POLR3A: variants seen among roughly 807,000 people sequenced by gnomAD.
POLR3A encodes the protein RNA polymerase III subunit A, also known as DNA-directed RNA polymerase III subunit RPC1.
Under a neutral mutation model 152.8 loss-of-function variants are expected in POLR3A, and 112 were observed. The ratio of observed to expected loss-of-function variants is 0.73; its 90% CI spans 0.63 to 0.86. POLR3A has a LOEUF of 0.86. Among genes scored for constraint, POLR3A ranks in the 40% least tolerant of loss-of-function variants. The pLI is 0.00. For synonymous variants in POLR3A, 615 were observed against 652.1 expected, an observed-to-expected ratio of 0.94 and a Z score of 0.87; for missense variants, 1,385 against 1,743.1, an observed-to-expected ratio of 0.79 and a Z score of 3.66.
chr10:78,024,791 AACT>A, intron 4 of POLR3A, 88 bp from the exon 5 acceptor site: 1 of 1,369,952 alleles, frequency 7.3e-7, no homozygotes, highest in Non-Finnish European at 1.0e-6. Flanking sequence ...AAATTACTGA[AACT>A]ACTATAGCAA....
intron 14 of POLR3A, among the ~76,000 whole-genome samples, chr10:78,008,374 A>G (rs1051190283): frequency 6.6e-6 from 1 of 152,278 alleles, no homozygotes; most frequent in Non-Finnish European, 1.5e-5. Flanking sequence ...ATCAGAGAGC[A>G]TATTTCCAAA....
At chr10:77,982,046 A>AG in intron 28 of POLR3A, 108 bp downstream of exon 28, 22 of 627,922 alleles carry the variant, frequency 3.5e-5, no homozygotes, top group Admixed American at 9.4e-5. Flanking sequence ...CTCAAAAAAA[A>AG]AAAAAAAAAA....
intron 5 of POLR3A, 149 bp downstream of exon 5, chr10:78,024,400 G>C (rs2131960455): frequency 2.9e-6 from 2 of 698,828 alleles, no homozygotes; most frequent in South Asian, 3.3e-5. Context: ...GGAATTATCG[G>C]AGAGCTGTCG....
intron 15 of POLR3A, among the ~76,000 whole-genome samples, chr10:78,005,173 A>C (rs1847398970): frequency 6.6e-6 from 1 of 152,228 alleles, no homozygotes; most frequent in Admixed American, 6.5e-5. Flanking sequence ...TCCAACTATT[A>C]TCTAAAGCAG....
At position 78,023,317 on chromosome 10, in the gene POLR3A, G is replaced by A. The variant is rs149671837; in HGVS notation, c.646-933C>T. ...CTCTACAAAAGTACAAAAATTAGCC[G>A]GGCATGGTGGCGGGCACTTGTAGTC... On this transcript the variant is annotated intron_variant, in intron 5 of 30. Coordinates refer to ENST00000372371, the MANE Select transcript of POLR3A (RefSeq NM_007055.4). 3.9e-3 allele frequency among the ~76,000 whole-genome samples: 586 copies of A among 152,036 alleles called. 2 individuals are homozygous for A. The highest frequency in any genetic ancestry group is 0.011 in the African/African-American group (467 of 41,446).
chr10:77,998,597 T>C (rs549569397), intron 19 of POLR3A, among the ~76,000 whole-genome samples: 157 of 152,254 alleles, frequency 1.0e-3, no homozygotes, highest in African/African-American at 3.7e-3. Context: ...AAAACTACAA[T>C]GAGATACCGT....
Position 78,017,564 on chromosome 10 carries a change from G to T in POLR3A, c.1431+11C>A. The T allele has an allele frequency of 6.2e-7, 1 of 1,613,962 alleles. No homozygotes were observed. The highest frequency in any genetic ancestry group is 8.5e-7 in the Non-Finnish European group (1 of 1,179,836). On this transcript the variant is annotated intron_variant, in intron 10 of 30. Transcript: ENST00000372371. ...TACGTGATGGAAAATTTAAAAAGCA[G>T]TGCTACTCACCAGATGAGCCATAAT...
Position 78,017,695 on chromosome 10 carries a change from T to C in POLR3A, c.1311A>G (p.Arg437=), listed in dbSNP as rs188441842. The change falls in exon 10 of 31, where the codon CGA becomes CGG. Residue 437 remains arginine, a synonymous_variant. Coordinates refer to ENST00000372371, the MANE Select transcript of POLR3A (RefSeq NM_007055.4). ...ACTTGAGCTCTTGAGCCATCTTTTC[T>C]CGATTTCCGTATTTCAAAAACCTGA... ...QMKRFLKYGN[R]EKMAQELKYG... 260 of 1,614,192 alleles carry C rather than the reference T, an allele frequency of 1.6e-4. 2 individuals carry two copies. In the East Asian group the frequency reaches 3.8e-3, roughly 24 times the overall value.
intron 11 of POLR3A, among the ~76,000 whole-genome samples, chr10:78,012,847 G>A (rs1050393082): frequency 6.6e-6 from 1 of 152,058 alleles, no homozygotes; most frequent in African/African-American, 2.4e-5. Context: ...TCAGCTTCCT[G>A]AGTAGCTGGG....
chr10:77,986,180 C>T (rs768045599), intron 21 of POLR3A, 21 bp from the exon 22 acceptor site: 2 of 1,150,392 alleles, frequency 1.7e-6, no homozygotes, highest in Non-Finnish European at 2.6e-6. Flanking sequence ...ACACAGCAAA[C>T]ATCATTTGTA....
At position 77,980,178 on chromosome 10, in the gene POLR3A, A is replaced by T; in HGVS notation, c.3987T>A (p.Phe1329Leu). 1 of 1,614,108 alleles carries T rather than the reference A, an allele frequency of 6.2e-7. No individual in the cohort carries two copies. Among genetic ancestry groups the T allele is most frequent in the Non-Finnish European group, 8.5e-7 (1 of 1,179,964 alleles). ...ASFEKTADHL[F>L]DAAYFGQKDS... ...CCTTCTGCCCGAAGTAGGCAGCGTC[A>T]AAGAGATGGTCAGCCGTCTTCTCAA... Residue 1329 changes from phenylalanine to leucine, a missense_variant, in exon 30 of 31, where the codon TTT becomes TTA. Coordinates refer to ENST00000372371, the MANE Select transcript of POLR3A (RefSeq NM_007055.4).
In POLR3A at chr10:77,976,032, C is replaced by G. The variant is rs550447264; in HGVS notation, c.*1446G>C. The stretch of plus-strand genomic sequence containing the variant: ...GCATTTTTTTTCCACATCACTGATA[C>G]CCCAAGAGAAGTTAATAGGTCTACC... On this transcript the variant is annotated 3_prime_UTR_variant, in exon 31 of 31. Coordinates refer to ENST00000372371, the MANE Select transcript of POLR3A (RefSeq NM_007055.4). 12 of 152,106 alleles carry G rather than the reference C, an allele frequency of 7.9e-5. No homozygotes were observed. The highest frequency in any genetic ancestry group is 1.6e-4 in the Non-Finnish European group (11 of 67,998). 9.4% of individuals were successfully genotyped at this position (152,106 alleles called of 1,614,324 possible). A position where few individuals can be genotyped will look rare whatever the true frequency, so the allele number is the denominator to read the frequency against.
At chr10:77,999,481 C>T (rs1163951605) in intron 19 of POLR3A, among the ~76,000 whole-genome samples, 4 of 152,014 alleles carry the variant, frequency 2.6e-5, no homozygotes, top group African/African-American at 9.7e-5. Flanking sequence ...CTAGTTTAGC[C>T]CTGTGCCCCA....
intron 8 of POLR3A, chr10:78,019,831 T>C (rs913524103): frequency 6.5e-6 from 1 of 154,438 alleles, no homozygotes; most frequent in Non-Finnish European, 1.4e-5. Flanking sequence ...CTAATCAATA[T>C]TCTCGTTAGC....
chr10:77,994,368 G>A (rs1308738100), intron 19 of POLR3A, among the ~76,000 whole-genome samples: 1 of 152,044 alleles, frequency 6.6e-6, no homozygotes, highest in Admixed American at 6.6e-5. Flanking sequence ...ATCTACCCTG[G>A]TTTTCCAGCT....
chr10:77,977,147 G>C lies in POLR3A; in HGVS notation c.*331C>G. The C allele has an allele frequency of 2.7e-6, 1 of 375,090 alleles. No individual in the cohort carries two copies. The highest frequency in any genetic ancestry group is 5.1e-6 in the Non-Finnish European group (1 of 195,996). 23.2% of individuals were successfully genotyped at this position (375,090 alleles called of 1,614,324 possible). On this transcript the variant is annotated 3_prime_UTR_variant, in exon 31 of 31. Transcript: ENST00000372371. ...TGGGGAGCCGATGGATGTATGCAGT[G>C]AGCTGGGATGGACCATGACACCTGG...
intron 17 of POLR3A, among the ~76,000 whole-genome samples, chr10:78,001,802 AT>A (rs1051128682): frequency 1.2e-3 from 174 of 145,684 alleles, no homozygotes; most frequent in Middle Eastern, 3.6e-3. Flanking sequence ...CGCCCAGCTA[AT>A]TTTTTTTTTT....
intron 17 of POLR3A, among the ~76,000 whole-genome samples, chr10:78,001,793 G>A (rs1274979898): frequency 2.0e-5 from 3 of 151,862 alleles, no homozygotes; most frequent in Non-Finnish European, 4.4e-5. Flanking sequence ...AAGCCACCAC[G>A]CCCAGCTAAT....
chr10:78,010,320 C>T (rs191224865), intron 12 of POLR3A, 151 bp downstream of exon 12: 21 of 707,792 alleles, frequency 3.0e-5, no homozygotes, highest in Non-Finnish European at 4.2e-5. Flanking sequence ...AAAAAACCCA[C>T]GGGGAGGTTC....
Sources: gnomAD v4.1 joint callset for allele counts (sites outside exome capture counted in the v4.1 genomes callset) on GRCh38, gnomAD v4.1.1 for gene constraint, MANE v1.5 for transcripts, NCBI Gene and HGNC (gene_info 2026-07-23, HGNC 2026-07-21) for gene names.